Variants in NOS2 observed in about 807,000 individuals in gnomAD.
NOS2 encodes nitric oxide synthase, inducible.
In NOS2, 96 loss-of-function variants were observed where a neutral mutation model predicts 136.0. That is an observed-to-expected ratio of 0.71 (90% CI 0.60 to 0.84). The LOEUF (loss-of-function observed/expected upper bound fraction) is 0.84, where lower values mean the gene tolerates loss of function less well. Ranked by LOEUF, NOS2 falls within the 40% of genes least tolerant of loss-of-function variation. The pLI, the probability that NOS2 is intolerant of heterozygous loss-of-function variation, is 0.00. For missense variants in NOS2, 1,237 were observed against 1,496.9 expected, an observed-to-expected ratio of 0.83 and a Z score of 2.87; for synonymous variants, 539 against 587.5, an observed-to-expected ratio of 0.92 and a Z score of 1.20.
At chr17:27,798,332 A>G (rs777878710) in intron 2 of NOS2, among the ~76,000 whole-genome samples, 1 of 152,192 alleles carries the variant, frequency 6.6e-6, no homozygotes, top group Non-Finnish European at 1.5e-5. Flanking sequence ...CAAGCGGTGA[A>G]TTGGAATGGA....
chr17:27,761,658 C>T (rs1189408039), intron 22 of NOS2, among the ~76,000 whole-genome samples: 1 of 152,152 alleles, frequency 6.6e-6, no homozygotes. Context: ...TACTGCTGTG[C>T]GTGCTCATGA....
chr17:27,796,838 C>T (rs946676748), intron 2 of NOS2, among the ~76,000 whole-genome samples: 15 of 152,164 alleles, frequency 9.9e-5, no homozygotes, highest in African/African-American at 3.4e-4. Flanking sequence ...AGAATCTGGA[C>T]ATCTAGAGGC....
intron 15 of NOS2, among the ~76,000 whole-genome samples, chr17:27,769,892 A>G (rs1285919611): frequency 6.6e-6 from 1 of 152,186 alleles, no homozygotes; most frequent in Admixed American, 6.5e-5. Context: ...CCTTCTCCAG[A>G]GGGGCTCCGA....
intron 6 of NOS2, 61 bp from the exon 7 acceptor site, chr17:27,782,167 G>T (rs1168023413): frequency 1.4e-6 from 2 of 1,453,248 alleles, no homozygotes; most frequent in African/African-American, 1.4e-5. Context: ...CTTTGAGGCT[G>T]ATCAGAAGTC....
At position 27,766,554 on chromosome 17, in the gene NOS2, G is replaced by A. The variant is rs201719111; in HGVS notation, c.2202C>T (p.Thr734=). ...LSSMHAKNVF[T]MRLKSRQNLQ... ...GATTCTGCCGAGATTTGAGCCTCAT[G>A]GTGAACACGTTCTTGGCATGCATGC... is the stretch of plus-strand genomic sequence containing the variant. The change falls in exon 19 of 27, where the codon ACC becomes ACT. Residue 734 remains threonine (T), a synonymous_variant. Transcript: ENST00000313735. The A allele has an allele frequency of 9.3e-6, 15 of 1,614,044 alleles. No homozygotes were observed. The Middle Eastern group carries it at 8.2e-4, about 88-fold the overall frequency.
rs200185015 is a variant in NOS2, at chr17:27,781,213, G to A, written c.723-36C>T. On this transcript the variant is annotated intron_variant, in intron 7 of 26. Transcript: ENST00000313735. ...CAGGAACAGTACTGTTTACCACCTA[G>A]CCCTGGTGGGGGCCCAGCCATCCTG... 3.4e-5 allele frequency: 53 copies of A among 1,576,484 alleles called. No individual in the cohort carries two copies. In the Admixed American group the frequency reaches 4.2e-4, roughly 13 times the overall value.
At chr17:27,786,369 T>C (rs1273281420) in intron 5 of NOS2, among the ~76,000 whole-genome samples, 1 of 152,076 alleles carries the variant, frequency 6.6e-6, no homozygotes, top group Non-Finnish European at 1.5e-5. Context: ...GAGGTTGAAG[T>C]GAGCCAAGAT....
intron 17 of NOS2, 81 bp downstream of exon 17, chr17:27,768,895 TG>T: frequency 7.1e-7 from 1 of 1,409,268 alleles, no homozygotes; most frequent in Non-Finnish European, 9.4e-7. Flanking sequence ...TCATGCCACC[TG>T]GGACGCCCAG....
At chr17:27,797,313 C>T (rs1157377953) in intron 2 of NOS2, among the ~76,000 whole-genome samples, 1 of 152,254 alleles carries the variant, frequency 6.6e-6, no homozygotes, top group Non-Finnish European at 1.5e-5. Context: ...GCCAACAGTG[C>T]CATTTGCTGA....
Position 27,757,261 on chromosome 17 carries a change from C to A in NOS2, c.3447G>T (p.Glu1149Asp). The A allele has an allele frequency of 6.2e-7, 1 of 1,614,018 alleles. No individual in the cohort carries two copies. Among genetic ancestry groups the A allele is most frequent in the Middle Eastern group, 1.6e-4 (1 of 6,062 alleles). ...DRVAVQPSSL[E>D]MSAL Reference sequence around the variant, plus strand: ...CTGTAGGCCCTCAGAGCGCTGACATCTCCAGGCTGCTGGGCTGCACCGCCA... The same window carrying A: ...CTGTAGGCCCTCAGAGCGCTGACATATCCAGGCTGCTGGGCTGCACCGCCA... The change falls in exon 27 of 27, where the codon GAG becomes GAT. Residue 1149 changes from glutamate (E) to aspartate (D), a missense_variant. Glu to Asp is a conservative substitution (Grantham distance 45). This residue lies in a region of NOS2 where 782 missense variants were observed against 909.9 expected (regional missense o/e 0.86). Transcript: ENST00000313735.
intron 20 of NOS2, among the ~76,000 whole-genome samples, chr17:27,764,963 C>T (rs1165465137): frequency 6.6e-6 from 1 of 152,148 alleles, no homozygotes; most frequent in Non-Finnish European, 1.5e-5. Context: ...CACTGCCAGG[C>T]TCTGTTTCTC....
At chr17:27,793,886 G>C in intron 2 of NOS2, 1 of 368,130 alleles carries the variant, frequency 2.7e-6, no homozygotes, top group Non-Finnish European at 4.8e-6. Flanking sequence ...CGGGACCCAA[G>C]CACCCAGGGG....
chr17:27,768,509 C>T (rs527438032), intron 17 of NOS2, among the ~76,000 whole-genome samples: 9 of 152,322 alleles, frequency 5.9e-5, no homozygotes, highest in Admixed American at 2.6e-4. Context: ...TAAGCACCAC[C>T]GCTGAGTGAC....
At chr17:27,780,175 GA>G (rs780410857) in intron 9 of NOS2, among the ~76,000 whole-genome samples, 3 of 152,210 alleles carry the variant, frequency 2.0e-5, no homozygotes, top group Non-Finnish European at 4.4e-5. Context: ...AATGAGCCTA[GA>G]AAAATTCTGA....
At chr17:27,762,028 C>G (rs1371802828) in intron 22 of NOS2, among the ~76,000 whole-genome samples, 6 of 152,174 alleles carry the variant, frequency 3.9e-5, no homozygotes. Context: ...CAGCTCCCAG[C>G]TTTGCCAACC....
chr17:27,767,651 T>G, intron 18 of NOS2, 54 bp downstream of exon 18: 1 of 1,594,456 alleles, frequency 6.3e-7, no homozygotes, highest in Non-Finnish European at 8.5e-7. Context: ...ACCATGGGCT[T>G]AGGGCTCAGA....
At chr17:27,794,519 TG>T (rs1227640577) in intron 2 of NOS2, among the ~76,000 whole-genome samples, 1 of 152,192 alleles carries the variant, frequency 6.6e-6, no homozygotes, top group African/African-American at 2.4e-5. Flanking sequence ...GGGGCCCTTC[TG>T]GCAGTATGCA....
At chr17:27,759,416 G>A (rs1449577563) in intron 25 of NOS2, among the ~76,000 whole-genome samples, 2 of 152,152 alleles carry the variant, frequency 1.3e-5, no homozygotes, top group African/African-American at 2.4e-5. Context: ...CCAGAAAAGG[G>A]AGCCTCTCAA....
At chr17:27,773,076 C>T in intron 13 of NOS2, 85 bp downstream of exon 13, 2 of 1,021,646 alleles carry the variant, frequency 2.0e-6, no homozygotes, top group Non-Finnish European at 3.1e-6. Flanking sequence ...TGTGTTCTTG[C>T]CCTTCAAGGA....
Sources: allele counts gnomAD v4.1 joint callset (sites outside exome capture counted in the v4.1 genomes callset), GRCh38; gene constraint gnomAD v4.1.1; regional missense constraint gnomAD v4.1.1; transcripts MANE v1.5; gene names NCBI Gene and HGNC (gene_info 2026-07-23, HGNC 2026-07-21).